The following TKFC variants were observed in gnomAD, a reference collection of about 807,000 sequenced individuals.
TKFC encodes the protein triokinase/FMN cyclase.
Under a neutral mutation model 61.0 loss-of-function variants are expected in TKFC, and 46 were observed. That is an observed-to-expected ratio of 0.75 (90% CI 0.60 to 0.96). The LOEUF (loss-of-function observed/expected upper bound fraction) is 0.96. TKFC is among the 50% of genes least tolerant of loss of function. The pLI is 0.00. For synonymous variants in TKFC, 314 were observed against 330.1 expected, an observed-to-expected ratio of 0.95 and a Z score of 0.53; for missense variants, 715 against 777.5, an observed-to-expected ratio of 0.92 and a Z score of 0.96.
intron 2 of TKFC, 78 bp downstream of exon 2, chr11:61,334,809 C>T: frequency 6.2e-7 from 1 of 1,605,328 alleles, no homozygotes; most frequent in Non-Finnish European, 8.5e-7. Flanking sequence ...GCTAAAGCTC[C>T]TTACACTTTG....
chr11:61,334,768 G>C, intron 2 of TKFC, 37 bp downstream of exon 2: 2 of 1,613,870 alleles, frequency 1.2e-6, no homozygotes, highest in Non-Finnish European at 1.7e-6. Flanking sequence ...ATGGCAGCAT[G>C]GTCTCAAAGC....
intron 15 of TKFC, 64 bp downstream of exon 15, chr11:61,345,629 G>C: frequency 1.2e-6 from 2 of 1,612,174 alleles, no homozygotes; most frequent in Non-Finnish European, 1.7e-6. Context: ...TGACATCTGC[G>C]CCCTGCCAGG....
chr11:61,346,933 C>T lies in TKFC; in HGVS notation c.*430C>T. 4 of 988,050 alleles carry T rather than the reference C, an allele frequency of 4.0e-6. No individual in the cohort carries two copies. Among genetic ancestry groups the T allele is most frequent in the Non-Finnish European group, 4.8e-6 (4 of 831,680 alleles). 61.2% of individuals were successfully genotyped at this position (988,050 alleles called of 1,614,324 possible). ...CATGGAAGCAAGAAAGACACTGCCT[C>T]CTCTGAGGGACCTTTTCCCAAGCAT... On this transcript the variant is annotated 3_prime_UTR_variant, in exon 18 of 18. Coordinates refer to ENST00000394900, the MANE Select transcript of TKFC (RefSeq NM_015533.4). This position sits in a 1 kb window ranked among gnomAD's most constrained non-coding sequence, Gnocchi z 4.1.
At chr11:61,349,837 G>C, downstream of TKFC, 1 of 583,534 alleles carries the variant, frequency 1.7e-6, no homozygotes, top group Admixed American at 2.9e-5. Context: ...GATGAAGCCT[G>C]CTCTGTGGCG....
chr11:61,334,872 C>T, intron 2 of TKFC, 141 bp downstream of exon 2: 3 of 1,293,382 alleles, frequency 2.3e-6, no homozygotes, highest in East Asian at 5.0e-5. Flanking sequence ...AGAGGGTCAT[C>T]CTCTCTCCCA....
At chr11:61,344,771 C>T (rs1437538625) in intron 13 of TKFC, among the ~76,000 whole-genome samples, 1 of 152,228 alleles carries the variant, frequency 6.6e-6, no homozygotes, top group African/African-American at 2.4e-5. Context: ...ATTCTGTTGT[C>T]CTTATTTTTC....
intron 1 of TKFC, 46 bp from the exon 2 acceptor site, chr11:61,334,574 G>A (rs945403787): frequency 1.9e-5 from 18 of 941,132 alleles, no homozygotes; most frequent in Admixed American, 1.1e-4. Context: ...TGTGCCAGTC[G>A]ACTGCGAGTT....
In TKFC at chr11:61,337,384, G is replaced by A. The variant is rs184129821; in HGVS notation, c.4-557G>A. On this transcript the variant is annotated intron_variant, in intron 2 of 17. Transcript: ENST00000394900. The stretch of plus-strand genomic sequence containing the variant: ...CGGTCTCAAAGTCTTGGACTCAGGC[G>A]ATCTGCCTGCCTCAGCCTCCCAAAG... 1.2e-4 allele frequency among the ~76,000 whole-genome samples: 19 copies of A among 152,274 alleles called. 2 individuals are homozygous for A. Among genetic ancestry groups the A allele is most frequent in the Admixed American group, 9.8e-4 (15 of 15,302 alleles).
rs377743343 is a variant in TKFC, at chr11:61,337,985, C to T, written c.48C>T (p.Asp16=). 52 of 1,611,538 alleles carry T rather than the reference C, an allele frequency of 3.2e-5. 1 individual carries two copies. Among genetic ancestry groups the T allele is most frequent in the East Asian group, 6.7e-5 (3 of 44,816 alleles). ...ACTCGGTGGCTGGCTGTGCTGATGA[C>T]GCTCTTGCTGGCCTGGTGGCCTGCA... is the stretch of plus-strand genomic sequence containing the variant. ...LVNSVAGCAD[D]ALAGLVACNP... is the part of the protein sequence containing the mutation. Residue 16 remains aspartate, a synonymous_variant, in exon 3 of 18, where the codon GAC becomes GAT. Coordinates refer to ENST00000394900, the MANE Select transcript of TKFC (RefSeq NM_015533.4).
chr11:61,345,922 A>T lies in TKFC; in HGVS notation c.1551A>T (p.Leu517Phe). Residue 517 changes from leucine (L) to phenylalanine (F), a missense_variant, in exon 17 of 18, where the codon TTA (leucine) becomes TTT (phenylalanine). By Grantham distance (22) the Leu-to-Phe change is conservative. Coordinates refer to ENST00000394900, the MANE Select transcript of TKFC (RefSeq NM_015533.4). ...QAWKSPGADL[L>F]QVLTKAVKSA... ...GGAAGAGCCCAGGAGCTGATCTGTT[A>T]CAAGTCCTGACCAAAGCAGTCAAGG... 1 of 1,613,962 alleles carries T rather than the reference A, an allele frequency of 6.2e-7. No homozygotes were observed. The highest frequency in any genetic ancestry group is 8.5e-7 in the Non-Finnish European group (1 of 1,180,002).
intron 2 of TKFC, 114 bp downstream of exon 2, chr11:61,334,845 G>T: frequency 6.8e-7 from 1 of 1,479,444 alleles, no homozygotes; most frequent in South Asian, 1.2e-5. Context: ...TGCCTCCTGA[G>T]GCTCACGGGT....
In TKFC at chr11:61,343,887, C is replaced by G; in HGVS notation, c.1014C>G (p.Asn338Lys). The G allele has an allele frequency of 6.2e-7, 1 of 1,610,908 alleles. No individual in the cohort carries two copies. Among genetic ancestry groups the G allele is most frequent in the Non-Finnish European group, 8.5e-7 (1 of 1,179,976 alleles). Residue 338 changes from asparagine to lysine, a missense_variant, in exon 12 of 18, where the codon AAC (asparagine) becomes AAG (lysine). Coordinates refer to ENST00000394900, the MANE Select transcript of TKFC (RefSeq NM_015533.4). ...AAACCACTGCAGCAGCCTGGCCTAA[C>G]GTGGCTGCAGTCTCCATTACTGGGC... ...DAETTAAAWP[N>K]VAAVSITGRK...
At chr11:61,343,607 T>C (rs1856970998) in intron 11 of TKFC, 149 bp downstream of exon 11, 2 of 875,444 alleles carry the variant, frequency 2.3e-6, no homozygotes, top group Non-Finnish European at 3.5e-6. Context: ...TCCAGCCTTC[T>C]CCAGCTCTCA....
chr11:61,335,910 T>A (rs1425593330), intron 2 of TKFC: 1 of 152,174 alleles, frequency 6.6e-6, no homozygotes, highest in African/African-American at 2.4e-5. Flanking sequence ...TTCTCCTGCC[T>A]CAGCCTCCCG....
In TKFC at chr11:61,347,212, G is replaced by A. The variant is rs867720893; in HGVS notation, c.*709G>A. The A allele has an allele frequency of 1.8e-4, 178 of 985,402 alleles. No individual in the cohort carries two copies. In the African/African-American group the frequency reaches 2.7e-3, roughly 15 times the overall value. The allele number at this position is 985,402 out of a possible 1,614,324, so 61.0% of individuals were successfully genotyped here. ...GGCATTTGGGACACCAGAAGGAAAA[G>A]AAATCATCATAGTCTAAGGTTCAGT... is the stretch of plus-strand genomic sequence containing the variant. On this transcript the variant is annotated 3_prime_UTR_variant, in exon 18 of 18. Coordinates refer to ENST00000394900, the MANE Select transcript of TKFC (RefSeq NM_015533.4).
intron 5 of TKFC, 89 bp downstream of exon 5, chr11:61,339,524 C>T (rs1207163745): frequency 7.1e-7 from 1 of 1,407,694 alleles, no homozygotes; most frequent in African/African-American, 1.4e-5. Flanking sequence ...CTTTCCAGCC[C>T]TTCCCCAAGA....
At chr11:61,334,459 T>G in intron 1 of TKFC, 161 bp from the exon 2 acceptor site, 1 of 473,172 alleles carries the variant, frequency 2.1e-6, no homozygotes, top group East Asian at 3.9e-5. Flanking sequence ...GCATGAACCT[T>G]GGTCAGCCCC....
At chr11:61,352,862 C>A, downstream of TKFC, 1 of 1,543,532 alleles carries the variant, frequency 6.5e-7, no homozygotes, top group African/African-American at 1.4e-5. Context: ...CCTTCCAGAT[C>A]AGGAGTGGAC....
downstream of TKFC, chr11:61,350,935 AT>A: frequency 3.2e-6 from 5 of 1,543,004 alleles, no homozygotes; most frequent in Non-Finnish European, 4.4e-6. Context: ...TTCGTGGGAG[AT>A]CCTTCTCTAG....
Sources: allele counts gnomAD v4.1 joint callset (sites outside exome capture counted in the v4.1 genomes callset), GRCh38; gene constraint gnomAD v4.1.1; non-coding constraint Gnocchi (gnomAD v3.1); transcripts MANE v1.5; gene names NCBI Gene and HGNC (gene_info 2026-07-23, HGNC 2026-07-21).